VAV3: variants seen among roughly 807,000 people sequenced by gnomAD.
VAV3 encodes the protein vav guanine nucleotide exchange factor 3, also known as guanine nucleotide exchange factor VAV3.
In VAV3, 94 loss-of-function variants were observed where a neutral mutation model predicts 131.2. The observed-to-expected ratio is 0.72, with a 90% CI of 0.61 to 0.85. The LOEUF (loss-of-function observed/expected upper bound fraction) is 0.85, where lower values mean the gene tolerates loss of function less well. Among genes scored for constraint, VAV3 ranks in the 40% least tolerant of loss-of-function variants. The pLI, the probability that VAV3 is intolerant of heterozygous loss-of-function variation, is 0.00. For missense variants in VAV3, 939 were observed against 1,002.7 expected (o/e 0.94, Z 0.86); for synonymous variants, 349 against 342.0 (o/e 1.02, Z -0.22).
chr1:107,870,046 T>C (rs1184818148), intron 2 of VAV3, among the ~76,000 whole-genome samples: 1 of 152,204 alleles, frequency 6.6e-6, no homozygotes, highest in Non-Finnish European at 1.5e-5. Context: ...TTGACGGGCA[T>C]TTGGGCTGAT....
rs552584278 is a variant in VAV3 at position 107,595,837 on chromosome 1, C to T, written c.2350+375G>A. Among the ~76,000 whole-genome samples, 4 of 152,222 alleles carry T rather than the reference C, an allele frequency of 2.6e-5. No individual in the cohort carries two copies. The South Asian group carries it at 8.3e-4, about 32-fold the overall frequency. On this transcript the variant is annotated intron_variant, in intron 25 of 26. Transcript: ENST00000370056. Reference sequence around the variant, plus strand: ...TTGAGATACTAGGCTAACTGGAGAGCTGTGTACCAGCCCTGCTTAAATACT... The same window carrying T: ...TTGAGATACTAGGCTAACTGGAGAGTTGTGTACCAGCCCTGCTTAAATACT...
intron 15 of VAV3, among the ~76,000 whole-genome samples, chr1:107,712,767 T>C (rs1038338001): frequency 1.7e-4 from 26 of 152,198 alleles, no homozygotes; most frequent in Admixed American, 2.0e-4. Context: ...TGTTGGCTTG[T>C]AGGGTGGAAG....
At chr1:107,828,730 G>A (rs1668119075) in intron 2 of VAV3, among the ~76,000 whole-genome samples, 1 of 151,978 alleles carries the variant, frequency 6.6e-6, no homozygotes, top group South Asian at 2.1e-4. Flanking sequence ...ATTACATTGG[G>A]CCCACCCAGA....
chr1:107,830,514 C>G (rs1668203285), intron 2 of VAV3, among the ~76,000 whole-genome samples: 1 of 152,138 alleles, frequency 6.6e-6, no homozygotes, highest in Non-Finnish European at 1.5e-5. Flanking sequence ...GCTGGCACAA[C>G]TACCTCTCAC....
intron 2 of VAV3, among the ~76,000 whole-genome samples, chr1:107,826,275 TTACGC>T (rs11278684): frequency 0.077 from 11,772 of 152,228 alleles, 685 homozygotes; most frequent in East Asian, 0.23. Flanking sequence ...ATTTGCTCCA[TTACGC>T]TACTTGCTAT....
intron 20 of VAV3, among the ~76,000 whole-genome samples, chr1:107,635,708 T>G (rs1654878664): frequency 6.6e-6 from 1 of 152,194 alleles, no homozygotes. Flanking sequence ...ACTAGTTTCT[T>G]TAATTAGCAT....
intron 2 of VAV3, among the ~76,000 whole-genome samples, chr1:107,786,329 G>A (rs1315677429): frequency 1.3e-5 from 2 of 151,624 alleles, no homozygotes; most frequent in African/African-American, 4.8e-5. Context: ...TAAAAAAAAA[G>A]CCATATACTG....
chr1:107,911,922 T>G (rs1463346246), intron 1 of VAV3, among the ~76,000 whole-genome samples: 1 of 151,148 alleles, frequency 6.6e-6, no homozygotes, highest in African/African-American at 2.5e-5. Context: ...ACAGCGCTGA[T>G]TTAAACAAAA....
At chr1:107,736,075 T>G (rs1160875124) in intron 15 of VAV3, among the ~76,000 whole-genome samples, 1 of 151,976 alleles carries the variant, frequency 6.6e-6, no homozygotes, top group Non-Finnish European at 1.5e-5. Flanking sequence ...ATAAACATAA[T>G]TCATCACATA....
intron 25 of VAV3, among the ~76,000 whole-genome samples, chr1:107,583,927 A>G (rs981026388): frequency 3.3e-5 from 5 of 152,094 alleles, no homozygotes; most frequent in Non-Finnish European, 5.9e-5. Flanking sequence ...ATATGGAACC[A>G]AAAAAGAGCC....
chr1:107,781,645 A>C (rs1299962116), intron 2 of VAV3, among the ~76,000 whole-genome samples: 1 of 152,214 alleles, frequency 6.6e-6, no homozygotes, highest in Admixed American at 6.5e-5. Context: ...TAGATGAGCT[A>C]ATTTACTGAC....
chr1:107,939,498 G>A (rs889761478), intron 1 of VAV3, among the ~76,000 whole-genome samples: 2 of 152,198 alleles, frequency 1.3e-5, no homozygotes, highest in Admixed American at 6.5e-5. Context: ...AAGTGATCAT[G>A]AGGGTAAACA....
intron 20 of VAV3, among the ~76,000 whole-genome samples, chr1:107,638,034 A>T (rs1655063983): frequency 6.6e-6 from 1 of 152,214 alleles, no homozygotes; most frequent in South Asian, 2.1e-4. Flanking sequence ...AACTTGCAGC[A>T]AACTAGGAAT....
At chr1:107,702,919 T>C (rs1171948857) in intron 17 of VAV3, among the ~76,000 whole-genome samples, 1 of 152,202 alleles carries the variant, frequency 6.6e-6, no homozygotes, top group Non-Finnish European at 1.5e-5. Context: ...AATAATCGTC[T>C]AATTTACAAA....
intron 2 of VAV3, among the ~76,000 whole-genome samples, chr1:107,824,636 T>C (rs1667938048): frequency 6.6e-6 from 1 of 152,164 alleles, no homozygotes; most frequent in Non-Finnish European, 1.5e-5. Context: ...AGAGGACATT[T>C]TATGTATGCA....
At chr1:107,596,122 T>G (rs1651361143) in intron 25 of VAV3, 90 bp downstream of exon 25, 3 of 1,520,668 alleles carry the variant, frequency 2.0e-6, no homozygotes, top group African/African-American at 2.8e-5. Context: ...CCATTGGTTA[T>G]ATTTTAAAAT....
chr1:107,914,244 C>G (rs546710192), intron 1 of VAV3, among the ~76,000 whole-genome samples: 21 of 152,274 alleles, frequency 1.4e-4, no homozygotes, highest in African/African-American at 4.8e-4. Flanking sequence ...CAGAGCCAGA[C>G]AGAAATGTAC....
intron 1 of VAV3, among the ~76,000 whole-genome samples, chr1:107,929,466 G>C (rs913013462): frequency 6.6e-6 from 1 of 152,126 alleles, no homozygotes; most frequent in African/African-American, 2.4e-5. Flanking sequence ...GGACATAAAT[G>C]AGAAATAAGA....
intron 1 of VAV3, among the ~76,000 whole-genome samples, chr1:107,945,822 CAAAA>C (rs36155213): frequency 7.9e-5 from 1 of 12,738 alleles, no homozygotes. Context: ...AACTCCGACT[CAAAA>C]AAAAAAAAAA....
Sources: allele counts gnomAD v4.1 joint callset (sites outside exome capture counted in the v4.1 genomes callset), GRCh38; gene constraint gnomAD v4.1.1; transcripts MANE v1.5; gene names NCBI Gene and HGNC (gene_info 2026-07-23, HGNC 2026-07-21).